SLC9B1: variants seen among roughly 807,000 people sequenced by gnomAD.
The protein encoded by SLC9B1 is sodium/hydrogen exchanger 9B1.
SLC9B1 carries 32 observed loss-of-function variants against 51.7 expected under a neutral mutation model. The observed-to-expected ratio is 0.62, with a 90% CI of 0.47 to 0.83. The LOEUF (loss-of-function observed/expected upper bound fraction) is 0.83. SLC9B1 is among the 40% of genes least tolerant of loss of function. SLC9B1 has a pLI of 0.00. For missense variants in SLC9B1, 406 were observed against 613.2 expected, an observed-to-expected ratio of 0.66 and a Z score of 3.57; for synonymous variants, 145 against 212.7, an observed-to-expected ratio of 0.68 and a Z score of 2.77.
intron 7 of SLC9B1, among the ~76,000 whole-genome samples, chr4:102,927,771 C>A (rs1736261034): frequency 6.6e-6 from 1 of 152,196 alleles, no homozygotes; most frequent in African/African-American, 2.4e-5. Context: ...AAGACACATG[C>A]ACATGTATGT....
intron 1 of SLC9B1, among the ~76,000 whole-genome samples, chr4:103,014,436 G>C (rs1741220758): frequency 6.6e-6 from 1 of 152,134 alleles, no homozygotes; most frequent in South Asian, 2.1e-4. Flanking sequence ...AATATTCATT[G>C]AGAGCCCATT....
chr4:102,890,847 A>AAAAAAAAAAAAAT (rs1336576815), intron 11 of SLC9B1: 2 of 148,114 alleles, frequency 1.4e-5, no homozygotes, highest in Admixed American at 6.7e-5. Context: ...TCTTAAAAAA[A>AAAAAAAAAAAAAT]AAAAAAGTCT....
intron 3 of SLC9B1, among the ~76,000 whole-genome samples, chr4:102,972,013 A>G (rs1474089809): frequency 6.6e-6 from 1 of 152,064 alleles, no homozygotes; most frequent in Non-Finnish European, 1.5e-5. Flanking sequence ...CCTACCAACA[A>G]AAAAAAGTCC....
At chr4:102,959,789 CA>C (rs1360314667) in intron 3 of SLC9B1, among the ~76,000 whole-genome samples, 1 of 152,090 alleles carries the variant, frequency 6.6e-6, no homozygotes, top group Non-Finnish European at 1.5e-5. Context: ...AGAGTGGTTA[CA>C]AACTTCTATA....
At chr4:102,905,716 A>T in intron 10 of SLC9B1, 66 bp from the exon 11 acceptor site, 1 of 1,487,476 alleles carries the variant, frequency 6.7e-7, no homozygotes, top group Non-Finnish European at 9.2e-7. Flanking sequence ...CATGCCCAGG[A>T]ATATGATTTC....
At chr4:102,961,721 C>CT (rs1738138898) in intron 3 of SLC9B1, among the ~76,000 whole-genome samples, 1 of 126,700 alleles carries the variant, frequency 7.9e-6, no homozygotes, top group African/African-American at 3.0e-5. Flanking sequence ...TAAAATATTC[C>CT]TTTTTTAAAA....
chr4:102,918,804 A>T (rs1293138210), intron 7 of SLC9B1, among the ~76,000 whole-genome samples: 2 of 152,228 alleles, frequency 1.3e-5, no homozygotes, highest in Non-Finnish European at 2.9e-5. Context: ...CAAGAAATAA[A>T]TTTCTGTTGT....
intron 11 of SLC9B1, chr4:102,889,701 GCA>G (rs1281734171): frequency 6.6e-6 from 1 of 152,076 alleles, no homozygotes; most frequent in Non-Finnish European, 1.5e-5. Flanking sequence ...TCCCACCTGT[GCA>G]CATTTTTCAG....
intron 3 of SLC9B1, among the ~76,000 whole-genome samples, chr4:102,985,684 C>T (rs560702003): frequency 9.9e-5 from 15 of 151,916 alleles, no homozygotes; most frequent in South Asian, 2.1e-4. Flanking sequence ...CCACCATGCC[C>T]GGCTAATTTT....
chr4:102,911,347 TA>T, intron 8 of SLC9B1, 83 bp downstream of exon 8: 1 of 907,196 alleles, frequency 1.1e-6, no homozygotes, highest in Non-Finnish European at 1.7e-6. Context: ...AATTAAGTAT[TA>T]AATTTCATCG....
At chr4:102,949,063 A>G (rs1737412224) in intron 4 of SLC9B1, among the ~76,000 whole-genome samples, 194 bp downstream of exon 4, 1 of 152,180 alleles carries the variant, frequency 6.6e-6, no homozygotes, top group South Asian at 2.1e-4. Context: ...GTGTGTATAT[A>G]TGTAGACAGA....
At chr4:102,909,355 C>G (rs1357762736) in intron 9 of SLC9B1, among the ~76,000 whole-genome samples, 2 of 151,634 alleles carry the variant, frequency 1.3e-5, no homozygotes, top group Non-Finnish European at 2.9e-5. Context: ...GCAATCCCAA[C>G]ATTTTGGGAG....
chr4:102,995,834 T>A (rs1740186796), intron 1 of SLC9B1, among the ~76,000 whole-genome samples: 2 of 152,198 alleles, frequency 1.3e-5, no homozygotes, highest in African/African-American at 4.8e-5. Context: ...GTTATCATAA[T>A]AATTAAATTA....
intron 1 of SLC9B1, among the ~76,000 whole-genome samples, chr4:103,009,289 T>C (rs72941773): frequency 1.5e-3 from 234 of 152,380 alleles, no homozygotes; most frequent in African/African-American, 5.4e-3. Context: ...GTTTATGCTT[T>C]TGGAGCAATG....
At chr4:102,961,313 TGTAA>T (rs1738108272) in intron 3 of SLC9B1, among the ~76,000 whole-genome samples, 1 of 151,218 alleles carries the variant, frequency 6.6e-6, no homozygotes, top group Non-Finnish European at 1.5e-5. Context: ...ACAATTATTA[TGTAA>T]GTATCTTCCT....
intron 3 of SLC9B1, among the ~76,000 whole-genome samples, chr4:102,979,170 C>T (rs530914375): frequency 5.3e-5 from 8 of 152,118 alleles, no homozygotes; most frequent in Admixed American, 1.3e-4. Flanking sequence ...TAGAGACAAA[C>T]GTTTTCAACT....
At chr4:102,943,766 G>A (rs910790178) in intron 6 of SLC9B1, among the ~76,000 whole-genome samples, 8 of 152,230 alleles carry the variant, frequency 5.3e-5, no homozygotes, top group African/African-American at 1.2e-4. Flanking sequence ...GAGGGTGAGC[G>A]ATAAAAGACT....
chr4:102,919,797 C>A (rs554753401), intron 7 of SLC9B1, among the ~76,000 whole-genome samples: 1 of 152,362 alleles, frequency 6.6e-6, no homozygotes, highest in East Asian at 1.9e-4. Flanking sequence ...TGGAGCCTTG[C>A]TCACTACTAG....
chr4:102,962,699 C>T, intron 3 of SLC9B1: 1 of 470,778 alleles, frequency 2.1e-6, no homozygotes, highest in South Asian at 1.6e-5. Context: ...CACTCAACAG[C>T]TGCTAAGGGA....
Sources: gnomAD v4.1 joint callset for allele counts (sites outside exome capture counted in the v4.1 genomes callset) on GRCh38, gnomAD v4.1.1 for gene constraint, MANE v1.5 for transcripts, NCBI Gene and HGNC (gene_info 2026-07-23, HGNC 2026-07-21) for gene names.